FBXW7: variants seen among roughly 807,000 people sequenced by gnomAD.
The protein encoded by FBXW7 is F-box/WD repeat-containing protein 7.
A neutral mutation model predicts 86.3 loss-of-function variants in FBXW7; 11 were observed. That is an observed-to-expected ratio of 0.13 (90% confidence interval 0.08 to 0.21). FBXW7 has a LOEUF of 0.21. Among genes scored for constraint, FBXW7 ranks in the 10% least tolerant of loss-of-function variants. The probability of loss-of-function intolerance (pLI) is 1.00; values close to 1 mark genes in which losing one functional copy is unlikely to be tolerated. For missense variants in FBXW7, 488 were observed against 847.4 expected (o/e 0.58, Z 5.27); for synonymous variants, 313 against 297.9 (o/e 1.05, Z -0.52).
chr4:152,508,157 C>A (rs192374753), intron 2 of FBXW7, among the ~76,000 whole-genome samples: 1 of 151,366 alleles, frequency 6.6e-6, no homozygotes, highest in Non-Finnish European at 1.5e-5. Context: ...CTTCATGGGG[C>A]CAAACCTGGG....
At chr4:152,341,677 A>G (rs963331217) in intron 6 of FBXW7, among the ~76,000 whole-genome samples, 1 of 152,126 alleles carries the variant, frequency 6.6e-6, no homozygotes, top group African/African-American at 2.4e-5. Flanking sequence ...TTTATATTTG[A>G]TGGTATCACT....
At chr4:152,529,763 T>A (rs529093813) in intron 2 of FBXW7, among the ~76,000 whole-genome samples, 144 of 152,134 alleles carry the variant, frequency 9.5e-4, no homozygotes, top group African/African-American at 3.3e-3. Flanking sequence ...GCTCAGGAGT[T>A]AAGAGACCAG....
rs572302285 is a variant in FBXW7 at position 152,488,385 on chromosome 4, C to T, written c.-120+46556G>A. On this transcript the variant is annotated intron_variant, in intron 2 of 13. Coordinates refer to ENST00000281708, the MANE Select transcript of FBXW7 (RefSeq NM_001349798.2). ...AACGGCTTTCACTTCACTTGTCTAA[C>T]ATAATCATGAATTGAAATAAGAACT... Among the ~76,000 whole-genome samples the T allele has an allele frequency of 2.0e-5, 3 of 152,160 alleles. No homozygotes were observed. The South Asian group carries it at 6.2e-4, about 32-fold the overall frequency.
intron 4 of FBXW7, among the ~76,000 whole-genome samples, chr4:152,404,405 A>G (rs1177999533): frequency 6.6e-6 from 1 of 152,244 alleles, no homozygotes; most frequent in Non-Finnish European, 1.5e-5. Flanking sequence ...ACATTCAGAG[A>G]TAATTCCTAA....
At chr4:152,350,965 A>G (rs1370271889) in intron 4 of FBXW7, among the ~76,000 whole-genome samples, 3 of 152,038 alleles carry the variant, frequency 2.0e-5, no homozygotes, top group African/African-American at 4.8e-5. Flanking sequence ...ATATTGAAAT[A>G]TTCTCATTTG....
chr4:152,535,662 A>AC lies in FBXW7; in HGVS notation c.-749dup, dbSNP rs959877440. The stretch of plus-strand genomic sequence containing the variant: ...TCCCGCATGTGTCGCTGCGGCTGGG[A>AC]CCCCCCTCCCTACACCTTGGGGGTC... On this transcript the variant is annotated 5_prime_UTR_variant, in exon 1 of 14. Coordinates refer to ENST00000281708, the MANE Select transcript of FBXW7 (RefSeq NM_001349798.2). 40 of 394,490 alleles carry AC rather than the reference A, an allele frequency of 1.0e-4. No homozygotes were observed. Among genetic ancestry groups the AC allele is most frequent in the Admixed American group, 2.7e-4 (6 of 22,520 alleles). The allele number at this position is 394,490 out of a possible 1,614,324, so 24.4% of individuals were successfully genotyped here. A position where few individuals can be genotyped will look rare whatever the true frequency, so the allele number is the denominator to read the frequency against.
chr4:152,338,961 T>C (rs943174876), intron 6 of FBXW7, among the ~76,000 whole-genome samples: 3 of 152,166 alleles, frequency 2.0e-5, no homozygotes, highest in African/African-American at 4.8e-5. Context: ...ACAAGAAAAC[T>C]TGATCCAAGA....
chr4:152,414,749 A>G lies in FBXW7; in HGVS notation c.-119-2220T>C, dbSNP rs571810847. ...CTGGCAGTGTCTTTCAAGGTAGTGG[A>G]AAGTCCAGAGAGGTCCTGACCTATG... is the stretch of plus-strand genomic sequence containing the variant. On this transcript the variant is annotated intron_variant, in intron 2 of 13. Coordinates refer to ENST00000281708, the MANE Select transcript of FBXW7 (RefSeq NM_001349798.2). Among the ~76,000 whole-genome samples the G allele has an allele frequency of 3.3e-5, 5 of 152,024 alleles. No homozygotes were observed. The East Asian group carries it at 9.6e-4, about 29-fold the overall frequency.
chr4:152,322,786 ATTTTTTTCTTTTTCTTTTC>A lies in FBXW7; in HGVS notation c.*76_*94del, dbSNP rs909460816. The A allele has an allele frequency of 1.3e-6, 2 of 1,543,796 alleles. No individual in the cohort carries two copies. Among genetic ancestry groups the A allele is most frequent in the Admixed American group, 2.0e-5 (1 of 49,212 alleles). ...CATCCTGCACCACTGAGAACAAGGG[ATTTTTTTCTTTTTCTTTTC>A]TTTTTTTCTTTTTGCAGGGGGAAGG... On this transcript the variant is annotated 3_prime_UTR_variant, in exon 14 of 14. Coordinates refer to ENST00000281708, the MANE Select transcript of FBXW7 (RefSeq NM_001349798.2).
At chr4:152,482,847 C>T (rs910533112) in intron 2 of FBXW7, among the ~76,000 whole-genome samples, 1 of 152,008 alleles carries the variant, frequency 6.6e-6, no homozygotes, top group East Asian at 1.9e-4. Context: ...AATAGGTTAA[C>T]TTAAAAGTCC....
intron 2 of FBXW7, among the ~76,000 whole-genome samples, chr4:152,505,683 A>C (rs1262835415): frequency 6.6e-6 from 1 of 152,024 alleles, no homozygotes; most frequent in East Asian, 1.9e-4. Context: ...GTAATCTCCT[A>C]CAACAACAGT....
At chr4:152,439,618 C>G (rs1275485849) in intron 2 of FBXW7, among the ~76,000 whole-genome samples, 1 of 152,114 alleles carries the variant, frequency 6.6e-6, no homozygotes, top group Non-Finnish European at 1.5e-5. Context: ...GTAATCCCAG[C>G]ACTTCGGGAG....
chr4:152,386,513 T>C (rs1183443167), intron 4 of FBXW7, among the ~76,000 whole-genome samples: 1 of 152,160 alleles, frequency 6.6e-6, no homozygotes, highest in African/African-American at 2.4e-5. Context: ...AGATTACATT[T>C]CCAATTTTAA....
intron 2 of FBXW7, among the ~76,000 whole-genome samples, chr4:152,422,486 T>C (rs1739032358): frequency 6.6e-6 from 1 of 152,024 alleles, no homozygotes; most frequent in South Asian, 2.1e-4. Context: ...GATGACACTA[T>C]GACAATTTAG....
At chr4:152,346,249 A>G (rs1731251129) in intron 6 of FBXW7, among the ~76,000 whole-genome samples, 1 of 152,178 alleles carries the variant, frequency 6.6e-6, no homozygotes, top group Non-Finnish European at 1.5e-5. Flanking sequence ...AAGCATGGTA[A>G]GCCATATACA....
At chr4:152,521,930 C>G (rs1189374468) in intron 2 of FBXW7, among the ~76,000 whole-genome samples, 1 of 151,240 alleles carries the variant, frequency 6.6e-6, no homozygotes, top group East Asian at 1.9e-4. Flanking sequence ...GCGATTCTCC[C>G]TACCTCAGCC....
chr4:152,467,682 A>G (rs908064105), intron 2 of FBXW7, among the ~76,000 whole-genome samples: 29 of 152,200 alleles, frequency 1.9e-4, no homozygotes, highest in African/African-American at 6.5e-4. Flanking sequence ...TGTCAAACAC[A>G]AGAAATGCCA....
chr4:152,461,969 T>C (rs1235363069), intron 2 of FBXW7, among the ~76,000 whole-genome samples: 2 of 152,230 alleles, frequency 1.3e-5, no homozygotes, highest in East Asian at 1.9e-4. Context: ...TGTTCTGTTA[T>C]ACGTTGTTTC....
chr4:152,349,683 T>C (rs1731614669), intron 5 of FBXW7, among the ~76,000 whole-genome samples: 1 of 151,922 alleles, frequency 6.6e-6, no homozygotes, highest in South Asian at 2.1e-4. Context: ...TCTTCAAATT[T>C]CCATACATAA....
Sources: gnomAD v4.1 joint callset for allele counts (sites outside exome capture counted in the v4.1 genomes callset) on GRCh38, gnomAD v4.1.1 for gene constraint, MANE v1.5 for transcripts, NCBI Gene and HGNC (gene_info 2026-07-23, HGNC 2026-07-21) for gene names.